Variants in DIS3 observed in about 807,000 individuals in gnomAD.
DIS3 encodes the protein DIS3 exosome endoribonuclease and 3'-5' exoribonuclease.
A neutral mutation model predicts 113.0 loss-of-function variants in DIS3; 103 were observed. The observed-to-expected ratio is 0.91, with a 90% CI of 0.78 to 1.07. The LOEUF is 1.07. Ranked by LOEUF, DIS3 falls within the 50% of genes least tolerant of loss-of-function variation. The pLI is 0.00. For synonymous variants in DIS3, 402 were observed against 394.3 expected (o/e 1.02, Z -0.23); for missense variants, 1,121 against 1,167.1 (o/e 0.96, Z 0.58).
rs1389997952 is a variant in DIS3 at position 72,753,757 on chromosome 13, A to G, written c.*6038T>C. ...ATGGATACAGTTGGGGCAGAAAGTTACTGCAAAGAAAGTGATGCACAAACA... is the reference window on the plus strand; with the variant it reads ...ATGGATACAGTTGGGGCAGAAAGTTGCTGCAAAGAAAGTGATGCACAAACA... On this transcript the variant is annotated 3_prime_UTR_variant, in exon 21 of 21. Coordinates refer to ENST00000377767, the MANE Select transcript of DIS3 (RefSeq NM_014953.5). 4 of 1,613,406 alleles carry G rather than the reference A, an allele frequency of 2.5e-6. No homozygotes were observed. Among genetic ancestry groups the G allele is most frequent in the Non-Finnish European group, 3.4e-6 (4 of 1,179,446 alleles).
chr13:72,753,587 G>T lies in DIS3; in HGVS notation c.*6208C>A. The T allele has an allele frequency of 1.7e-6, 2 of 1,175,452 alleles. No individual in the cohort carries two copies. Among genetic ancestry groups the T allele is most frequent in the Non-Finnish European group, 2.4e-6 (2 of 830,888 alleles). The allele number at this position is 1,175,452 out of a possible 1,614,324, so 72.8% of individuals were successfully genotyped here. On this transcript the variant is annotated 3_prime_UTR_variant, in exon 21 of 21. Transcript: ENST00000377767. Reference sequence around the variant, plus strand: ...CAACATGATCAATATTACATGTTAGGATCATTCAGATGTAGTGAATGAGAG... The same window carrying T: ...CAACATGATCAATATTACATGTTAGTATCATTCAGATGTAGTGAATGAGAG...
intron 1 of DIS3, 100 bp downstream of exon 1, chr13:72,781,503 ATG>A: frequency 7.0e-7 from 1 of 1,425,818 alleles, no homozygotes; most frequent in Non-Finnish European, 9.3e-7. Context: ...TTCGCTAGGT[ATG>A]TGACACTGCC....
At chr13:72,771,029 G>T in intron 12 of DIS3, 41 bp from the exon 13 acceptor site, 1 of 1,607,796 alleles carries the variant, frequency 6.2e-7, no homozygotes, top group Non-Finnish European at 8.5e-7. Context: ...TGGGAATCAG[G>T]TTAAAGTAGT....
chr13:72,775,796 A>G (rs1216128288), intron 5 of DIS3, 129 bp downstream of exon 5: 1 of 863,124 alleles, frequency 1.2e-6, no homozygotes, highest in East Asian at 3.1e-5. Context: ...AAAAAAGAAA[A>G]AAGTTACTAT....
At position 72,755,241 on chromosome 13, in the gene DIS3, T is replaced by C. The variant is rs1566232522; in HGVS notation, c.*4554A>G. 1 of 1,583,772 alleles carries C rather than the reference T, an allele frequency of 6.3e-7. No individual in the cohort carries two copies. Among genetic ancestry groups the C allele is most frequent in the Admixed American group, 1.7e-5 (1 of 59,940 alleles). On this transcript the variant is annotated 3_prime_UTR_variant, in exon 21 of 21. Coordinates refer to ENST00000377767, the MANE Select transcript of DIS3 (RefSeq NM_014953.5). ...GAATGCCTCTGTCAGAATCAAAGAC[T>C]AAGCTTAAGAGTTCCTCGCATATAT...
At chr13:72,775,491 T>C (rs1593849873) in intron 5 of DIS3, 116 bp from the exon 6 acceptor site, 3 of 1,178,212 alleles carry the variant, frequency 2.5e-6, no homozygotes, top group East Asian at 2.9e-5. Context: ...GAATCTCTAT[T>C]TCTCCTTTAT....
In DIS3 at chr13:72,755,558, T is replaced by G; in HGVS notation, c.*4237A>C. Reference sequence around the variant, plus strand: ...TACTGGTAGCACTGAATTTAGCAGTTCTGAGAACATGTGAAACTATGTTAA... The same window carrying G: ...TACTGGTAGCACTGAATTTAGCAGTGCTGAGAACATGTGAAACTATGTTAA... On this transcript the variant is annotated 3_prime_UTR_variant, in exon 21 of 21. Coordinates refer to ENST00000377767, the MANE Select transcript of DIS3 (RefSeq NM_014953.5). 3.0e-6 allele frequency: 1 copy of G among 334,128 alleles called. No individual in the cohort carries two copies. The highest frequency in any genetic ancestry group is 4.8e-5 in the East Asian group (1 of 20,830). 20.7% of individuals were successfully genotyped at this position (334,128 alleles called of 1,614,324 possible). A position where few individuals can be genotyped will look rare whatever the true frequency, so the allele number is the denominator to read the frequency against.
intron 11 of DIS3, among the ~76,000 whole-genome samples, 190 bp downstream of exon 11, chr13:72,771,605 C>T (rs2033887250): frequency 6.6e-6 from 1 of 152,088 alleles, no homozygotes; most frequent in Non-Finnish European, 1.5e-5. Flanking sequence ...CACTAATAGA[C>T]TAAGTTTAAT....
intron 4 of DIS3, 104 bp from the exon 5 acceptor site, chr13:72,776,196 T>C (rs553363651): frequency 3.6e-6 from 4 of 1,103,506 alleles, no homozygotes; most frequent in Non-Finnish European, 5.0e-6. Flanking sequence ...CATTATGATA[T>C]ACACAACTCT....
chr13:72,772,246 A>G lies in DIS3; in HGVS notation c.1416T>C (p.His472=), dbSNP rs139230501. Residue 472 remains histidine, a synonymous_variant, in exon 10 of 21, where the codon CAT becomes CAC. Coordinates refer to ENST00000377767, the MANE Select transcript of DIS3 (RefSeq NM_014953.5). Reference sequence around the variant, plus strand: ...GTGGGTCTACACTACAAATACACAGATGCCTCAGGTCTTCTCGGTTTTTCA... The same window carrying G: ...GTGGGTCTACACTACAAATACACAGGTGCCTCAGGTCTTCTCGGTTTTTCA... ...KDMKNREDLR[H]LCICSVDPPG... 1.7e-4 allele frequency: 277 copies of G among 1,613,106 alleles called. No individual in the cohort carries two copies. The African/African-American group carries it at 3.3e-3, about 19-fold the overall frequency.
intron 3 of DIS3, 123 bp from the exon 4 acceptor site, chr13:72,777,616 C>A (rs2034048182): frequency 1.0e-5 from 8 of 800,438 alleles, no homozygotes; most frequent in Admixed American, 2.2e-5. Flanking sequence ...CACTGAGAGT[C>A]TCACTCTGTC....
intron 14 of DIS3, 41 bp downstream of exon 14, chr13:72,768,744 A>C (rs532034972): frequency 7.0e-7 from 1 of 1,427,536 alleles, no homozygotes; most frequent in South Asian, 1.3e-5. Flanking sequence ...CAATGTAAAG[A>C]GTATAAAAAT....
intron 19 of DIS3, among the ~76,000 whole-genome samples, chr13:72,761,021 G>C (rs1253251839): frequency 6.6e-6 from 1 of 152,022 alleles, no homozygotes; most frequent in African/African-American, 2.4e-5. Context: ...GGGAGTATGT[G>C]TGTCAAATAA....
Position 72,761,542 on chromosome 13 carries a change from T to A in DIS3, c.2512-21A>T, listed in dbSNP as rs371408649. The A allele has an allele frequency of 1.1e-4, 174 of 1,547,800 alleles. 1 individual carries two copies. Among genetic ancestry groups the A allele is most frequent in the Non-Finnish European group, 1.4e-5 (16 of 1,151,958 alleles). On this transcript the variant is annotated intron_variant, in intron 18 of 20. Coordinates refer to ENST00000377767, the MANE Select transcript of DIS3 (RefSeq NM_014953.5). ...AATAACTGTAAAATAACATACAACT[T>A]ATTTAAATTGTCTTAAAAATTTTTA...
intron 9 of DIS3, 143 bp downstream of exon 9, chr13:72,772,550 A>C: frequency 1.1e-6 from 1 of 918,494 alleles, no homozygotes; most frequent in Non-Finnish European, 1.6e-6. Flanking sequence ...CTTCTTCTAT[A>C]ATTCCTAAGA....
chr13:72,768,944 TATAA>T (rs763833416), intron 13 of DIS3, 32 bp from the exon 14 acceptor site: 10 of 1,453,088 alleles, frequency 6.9e-6, no homozygotes, highest in East Asian at 4.7e-5. Context: ...ATATAATTCT[TATAA>T]ATGATAGAAA....
intron 15 of DIS3, 139 bp from the exon 16 acceptor site, chr13:72,763,746 T>G (rs2033685646): frequency 2.4e-6 from 2 of 821,610 alleles, no homozygotes. Flanking sequence ...TGTGTGTACA[T>G]TTGTATTTTA....
intron 2 of DIS3, among the ~76,000 whole-genome samples, chr13:72,780,383 G>A (rs1336108514): frequency 7.0e-6 from 1 of 143,094 alleles, no homozygotes; most frequent in Non-Finnish European, 1.5e-5. Context: ...CTTGCTCAAT[G>A]TAATCAGCTG....
chr13:72,770,964 T>C lies in DIS3; in HGVS notation c.1695A>G (p.Glu565=). 5 of 1,600,202 alleles carry C rather than the reference T, an allele frequency of 3.1e-6. No individual in the cohort carries two copies. In the Middle Eastern group the frequency reaches 5.0e-4, roughly 160 times the overall value. Residue 565 remains glutamate (E), a synonymous_variant, in exon 13 of 21, where the codon GAA becomes GAG. Coordinates refer to ENST00000377767, the MANE Select transcript of DIS3 (RefSeq NM_014953.5). Reference sequence around the variant, plus strand: ...TTAAGATTTCAGCATTGTGATTCATTTCCCAAATACATGAAAATGCCAGCC... The same window carrying C: ...TTAAGATTTCAGCATTGTGATTCATCTCCCAAATACATGAAAATGCCAGCC... ...VDRLAFSCIW[E]MNHNAEILKT...
Sources: gnomAD v4.1 joint callset for allele counts (sites outside exome capture counted in the v4.1 genomes callset) on GRCh38, gnomAD v4.1.1 for gene constraint, MANE v1.5 for transcripts, NCBI Gene and HGNC (gene_info 2026-07-23, HGNC 2026-07-21) for gene names.